ADAMTS3: variants seen among roughly 807,000 people sequenced by gnomAD.
ADAMTS3 encodes A disintegrin and metalloproteinase with thrombospondin motifs 3.
ADAMTS3 carries 73 observed loss-of-function variants against 129.0 expected under a neutral mutation model. The observed-to-expected ratio is 0.57, with a 90% CI of 0.47 to 0.69. The LOEUF (loss-of-function observed/expected upper bound fraction) is 0.69, where lower values mean the gene tolerates loss of function less well. Ranked by LOEUF, ADAMTS3 falls within the 30% of genes least tolerant of loss-of-function variation. ADAMTS3 has a pLI of 0.00. For missense variants in ADAMTS3, 1,457 were observed against 1,514.5 expected (o/e 0.96, Z 0.63); for synonymous variants, 477 against 510.8 (o/e 0.93, Z 0.89).
At chr4:72,295,598 A>G (rs1287934682) in intron 19 of ADAMTS3, 56 bp downstream of exon 19, 7 of 1,552,546 alleles carry the variant, frequency 4.5e-6, no homozygotes, top group African/African-American at 1.4e-5. Flanking sequence ...AAAGAGCTAA[A>G]GGCAGTGAAG....
At chr4:72,319,190 G>A in intron 9 of ADAMTS3, 142 bp downstream of exon 9, 1 of 985,554 alleles carries the variant, frequency 1.0e-6, no homozygotes, top group Non-Finnish European at 1.5e-6. Context: ...TTTTTGTGCT[G>A]AATGTTCTAA....
chr4:72,384,896 T>C (rs10009097), intron 4 of ADAMTS3, among the ~76,000 whole-genome samples: 38,669 of 152,032 alleles, frequency 0.25, 5,687 homozygotes, highest in Middle Eastern at 0.33. Flanking sequence ...GGGCCGGGTG[T>C]GGTGGCTCAC....
intron 3 of ADAMTS3, among the ~76,000 whole-genome samples, chr4:72,417,931 T>TTAAA (rs76545577): frequency 1.2e-4 from 12 of 100,678 alleles, no homozygotes; most frequent in Non-Finnish European, 1.9e-4. Flanking sequence ...AGACTCCATC[T>TTAAA]CAAAAAAAAA....
intron 5 of ADAMTS3, 97 bp downstream of exon 5, chr4:72,339,397 A>T: frequency 9.0e-7 from 1 of 1,111,198 alleles, no homozygotes; most frequent in Non-Finnish European, 1.3e-6. Context: ...ATTTTGGCAC[A>T]GTCATGGAAG....
intron 21 of ADAMTS3, among the ~76,000 whole-genome samples, chr4:72,284,936 T>C (rs1002232729): frequency 4.6e-5 from 7 of 152,208 alleles, no homozygotes; most frequent in African/African-American, 1.7e-4. Context: ...AACCAGTGCA[T>C]AGAGTAGCAT....
chr4:72,362,243 T>C (rs1720747740), intron 4 of ADAMTS3, among the ~76,000 whole-genome samples: 1 of 152,096 alleles, frequency 6.6e-6, no homozygotes, highest in Admixed American at 6.6e-5. Context: ...AATATTTAAA[T>C]AGAAGGAACA....
chr4:72,549,211 C>G (rs1026477690), intron 2 of ADAMTS3, among the ~76,000 whole-genome samples: 3 of 152,028 alleles, frequency 2.0e-5, no homozygotes, highest in African/African-American at 7.2e-5. Context: ...AAGGCATGCC[C>G]TTAATTAATT....
rs1041530477 is a variant in ADAMTS3, at chr4:72,501,490, T to C, written c.504+46988A>G. Reference sequence around the variant, plus strand: ...TTTGTATCCTGAAACTTCATTGAAATCATTTGTCAGTACCAGCAGCTTTTT... The same window carrying C: ...TTTGTATCCTGAAACTTCATTGAAACCATTTGTCAGTACCAGCAGCTTTTT... On this transcript the variant is annotated intron_variant, in intron 3 of 21. Coordinates refer to ENST00000286657, the MANE Select transcript of ADAMTS3 (RefSeq NM_014243.3). Among the ~76,000 whole-genome samples the C allele has an allele frequency of 1.5e-4, 23 of 152,282 alleles. 2 individuals carry two copies. The highest frequency in any genetic ancestry group is 1.3e-3 in the Admixed American group (20 of 15,284).
At chr4:72,470,361 T>TTATATATATATGTA (rs1719035942) in intron 3 of ADAMTS3, among the ~76,000 whole-genome samples, 1 of 116,482 alleles carries the variant, frequency 8.6e-6, no homozygotes, top group African/African-American at 3.1e-5. Flanking sequence ...TATTTTAAGT[T>TTATATATATATGTA]TATATATATA....
At chr4:72,433,348 T>G (rs1722743174) in intron 3 of ADAMTS3, among the ~76,000 whole-genome samples, 1 of 151,942 alleles carries the variant, frequency 6.6e-6, no homozygotes, top group Admixed American at 6.6e-5. Flanking sequence ...CTTGAGCTTC[T>G]TCTCATATTC....
chr4:72,509,659 G>A (rs2110032466), intron 3 of ADAMTS3, among the ~76,000 whole-genome samples: 1 of 152,118 alleles, frequency 6.6e-6, no homozygotes, highest in East Asian at 1.9e-4. Context: ...AGGACCTGAT[G>A]GCTTTACTGA....
At chr4:72,372,887 G>A (rs953993809) in intron 4 of ADAMTS3, among the ~76,000 whole-genome samples, 17 of 152,056 alleles carry the variant, frequency 1.1e-4, no homozygotes, top group African/African-American at 3.4e-4. Flanking sequence ...CAAAAATTAC[G>A]GCAATCATAT....
chr4:72,320,590 G>T, intron 7 of ADAMTS3, 124 bp downstream of exon 7: 1 of 992,012 alleles, frequency 1.0e-6, no homozygotes, highest in Non-Finnish European at 1.5e-6. Context: ...GAAAATGTAT[G>T]CTTGGCCGGT....
intron 3 of ADAMTS3, among the ~76,000 whole-genome samples, chr4:72,494,117 G>A (rs1006480323): frequency 1.3e-5 from 2 of 152,006 alleles, no homozygotes; most frequent in African/African-American, 2.4e-5. Flanking sequence ...TCAATTTCCC[G>A]CTCAAGATTT....
chr4:72,297,680 AG>A (rs1342019211), intron 18 of ADAMTS3, among the ~76,000 whole-genome samples: 3 of 152,108 alleles, frequency 2.0e-5, no homozygotes, highest in Non-Finnish European at 4.4e-5. Context: ...TGTGTTCAGA[AG>A]CCAGGTTATC....
intron 5 of ADAMTS3, among the ~76,000 whole-genome samples, chr4:72,332,277 C>A (rs180694108): frequency 6.6e-6 from 1 of 152,242 alleles, no homozygotes; most frequent in African/African-American, 2.4e-5. Context: ...GTTAAGTAAC[C>A]AGTAACCACA....
At chr4:72,339,429 G>T (rs1720073784) in intron 5 of ADAMTS3, 65 bp downstream of exon 5, 1 of 1,527,292 alleles carries the variant, frequency 6.5e-7, no homozygotes, top group South Asian at 1.1e-5. Context: ...ATTGCCAAAG[G>T]GTACCAACAA....
chr4:72,442,210 C>G (rs1193734052), intron 3 of ADAMTS3: 1 of 151,722 alleles, frequency 6.6e-6, no homozygotes, highest in African/African-American at 2.4e-5. Context: ...GGTGTGATGA[C>G]AGAGTTCTGA....
intron 19 of ADAMTS3, among the ~76,000 whole-genome samples, chr4:72,294,842 A>G (rs1181371935): frequency 6.6e-6 from 1 of 152,074 alleles, no homozygotes; most frequent in African/African-American, 2.4e-5. Context: ...AGTTTGGAGT[A>G]ACAGTAAATC....
Sources: allele counts gnomAD v4.1 joint callset (sites outside exome capture counted in the v4.1 genomes callset), GRCh38; gene constraint gnomAD v4.1.1; transcripts MANE v1.5; gene names NCBI Gene and HGNC (gene_info 2026-07-23, HGNC 2026-07-21).